FRMD5: variants seen among roughly 807,000 people sequenced by gnomAD.
FRMD5 encodes FERM domain containing 5, also known as FERM domain-containing protein 5.
A neutral mutation model predicts 69.0 loss-of-function variants in FRMD5; 20 were observed. The ratio of observed to expected loss-of-function variants is 0.29; its 90% CI spans 0.20 to 0.42. The LOEUF is 0.42. FRMD5 is among the 10% of genes least tolerant of loss of function. The pLI, the probability that FRMD5 is intolerant of heterozygous loss-of-function variation, is 1.00. For missense variants in FRMD5, 595 were observed against 708.6 expected (o/e 0.84, Z 1.82); for synonymous variants, 271 against 260.1 (o/e 1.04, Z -0.40).
At chr15:44,125,984 A>G (rs1016548034) in intron 1 of FRMD5, among the ~76,000 whole-genome samples, 2 of 152,244 alleles carry the variant, frequency 1.3e-5, no homozygotes, top group South Asian at 2.1e-4. Flanking sequence ...GGTAAATTCT[A>G]TAAATTACCT....
At chr15:44,015,378 G>A (rs1890910157) in intron 1 of FRMD5, among the ~76,000 whole-genome samples, 1 of 152,096 alleles carries the variant, frequency 6.6e-6, no homozygotes, top group African/African-American at 2.4e-5. Flanking sequence ...CTGGTCTCAA[G>A]TAACTCTTCT....
intron 1 of FRMD5, chr15:44,194,515 C>A: frequency 3.7e-6 from 1 of 272,524 alleles, no homozygotes; most frequent in Non-Finnish European, 7.1e-6. Flanking sequence ...ATCCTTCCAA[C>A]CCAAGAAAGA....
chr15:44,010,231 C>G (rs969553739), intron 1 of FRMD5, among the ~76,000 whole-genome samples: 22 of 152,158 alleles, frequency 1.4e-4, no homozygotes, highest in Non-Finnish European at 2.9e-4. Context: ...AAGAGGAAAG[C>G]AAGTTGCCTT....
chr15:44,041,408 C>T (rs922424372), intron 1 of FRMD5, among the ~76,000 whole-genome samples: 54 of 152,102 alleles, frequency 3.6e-4, no homozygotes, highest in Admixed American at 1.2e-3. Context: ...CACCACATTG[C>T]GCTTATTCTA....
rs181377726 is a variant in FRMD5, at chr15:43,979,023, G to A, written c.103-54714C>T. On this transcript the variant is annotated intron_variant, in intron 1 of 13. Coordinates refer to ENST00000417257, the MANE Select transcript of FRMD5 (RefSeq NM_032892.5). ...TGAGGACAACACTATTTTTGGCAATGTAGAAAATGCTTATAGAAAGGGTTC... is the reference window on the plus strand; with the variant it reads ...TGAGGACAACACTATTTTTGGCAATATAGAAAATGCTTATAGAAAGGGTTC... Among the ~76,000 whole-genome samples the A allele has an allele frequency of 2.6e-5, 4 of 152,200 alleles. No homozygotes were observed. In the East Asian group the frequency reaches 7.7e-4, roughly 29 times the overall value.
chr15:43,989,956 A>G, intron 1 of FRMD5: 1 of 1,117,146 alleles, frequency 9.0e-7, no homozygotes, highest in Non-Finnish European at 1.4e-6. Context: ...CCAGGTGGTG[A>G]CAATGTCCTG....
intron 1 of FRMD5, among the ~76,000 whole-genome samples, chr15:43,945,149 A>T (rs2089925193): frequency 6.6e-6 from 1 of 152,144 alleles, no homozygotes; most frequent in South Asian, 2.1e-4. Flanking sequence ...CCATTAAAAA[A>T]TGGGAAACTT....
chr15:44,087,886 A>T (rs528394553), intron 1 of FRMD5, among the ~76,000 whole-genome samples: 1 of 152,072 alleles, frequency 6.6e-6, no homozygotes, highest in Admixed American at 6.6e-5. Context: ...ATAAAATCAA[A>T]ATTGAAAGCC....
chr15:43,963,437 G>T (rs1204917256), intron 1 of FRMD5, among the ~76,000 whole-genome samples: 2 of 152,132 alleles, frequency 1.3e-5, no homozygotes, highest in Non-Finnish European at 2.9e-5. Flanking sequence ...GGAGAAATAG[G>T]AACACTTTTA....
intron 1 of FRMD5, among the ~76,000 whole-genome samples, chr15:44,164,949 G>A (rs1271313280): frequency 6.6e-6 from 1 of 152,186 alleles, no homozygotes. Context: ...ATACATGTTC[G>A]GAGGTGGAGG....
chr15:44,117,602 CTT>C (rs2076887776), intron 1 of FRMD5, among the ~76,000 whole-genome samples: 1 of 152,190 alleles, frequency 6.6e-6, no homozygotes, highest in South Asian at 2.1e-4. Context: ...ATTTAACAAT[CTT>C]TGAGAAAAGC....
Position 43,873,651 on chromosome 15 carries a change from G to T in FRMD5, c.*234C>A. The T allele has an allele frequency of 6.7e-7, 1 of 1,492,028 alleles. No individual in the cohort carries two copies. Among genetic ancestry groups the T allele is most frequent in the Non-Finnish European group, 8.8e-7 (1 of 1,130,230 alleles). 92.4% of individuals were successfully genotyped at this position (1,492,028 alleles called of 1,614,324 possible). On this transcript the variant is annotated 3_prime_UTR_variant, in exon 14 of 14. Transcript: ENST00000417257. ...GAAAGATGAGAAACAGAGTCGCTGA[G>T]CCTTTCTTGAAATAACTTCTGAAGA...
chr15:43,877,274 C>G (rs984521452), intron 13 of FRMD5, among the ~76,000 whole-genome samples: 2 of 152,176 alleles, frequency 1.3e-5, no homozygotes, highest in African/African-American at 4.8e-5. Context: ...AAAGGTTTTA[C>G]CTAAGTCAGG....
intron 1 of FRMD5, among the ~76,000 whole-genome samples, chr15:44,192,818 T>C (rs765869733): frequency 1.3e-5 from 2 of 152,192 alleles, no homozygotes; most frequent in African/African-American, 2.4e-5. Flanking sequence ...TTAGATTCCA[T>C]GCAAAAATCA....
chr15:44,004,352 A>ATGTTTT (rs145386298), intron 1 of FRMD5, among the ~76,000 whole-genome samples: 7 of 152,052 alleles, frequency 4.6e-5, no homozygotes, highest in East Asian at 3.9e-4. Context: ...CACAGATACT[A>ATGTTTT]TGTTTTTGTT....
intron 8 of FRMD5, among the ~76,000 whole-genome samples, chr15:43,891,614 C>T (rs2088794648): frequency 6.6e-6 from 1 of 152,176 alleles, no homozygotes; most frequent in Admixed American, 6.5e-5. Context: ...AGAGATGCTC[C>T]AGAACAGCCG....
intron 1 of FRMD5, among the ~76,000 whole-genome samples, chr15:43,986,447 G>A (rs1193645785): frequency 6.6e-6 from 1 of 152,214 alleles, no homozygotes; most frequent in Non-Finnish European, 1.5e-5. Flanking sequence ...GAGGAACTTA[G>A]TGAAGGCAAA....
At position 43,999,923 on chromosome 15, in the gene FRMD5, G is replaced by GTATA. The variant is rs57166959; in HGVS notation, c.103-75618_103-75615dup. Reference sequence around the variant, plus strand: ...CCATTTTATATTTGTGTGTGTGTATGTATATATATATATATATATATATGC... The same window carrying GTATA: ...CCATTTTATATTTGTGTGTGTGTATGTATATATATATATATATATATATATATGC... On this transcript the variant is annotated intron_variant, in intron 1 of 13. Coordinates refer to ENST00000417257, the MANE Select transcript of FRMD5 (RefSeq NM_032892.5). Among the ~76,000 whole-genome samples the GTATA allele has an allele frequency of 5.2e-3, 301 of 58,258 alleles. 12 individuals are homozygous for GTATA. Among genetic ancestry groups the GTATA allele is most frequent in the African/African-American group, 0.021 (267 of 12,914 alleles). The allele number at this position is 58,258 out of a possible 152,430, so 38.2% of individuals were successfully genotyped here.
At chr15:43,983,995 G>A (rs1287289401) in intron 1 of FRMD5, among the ~76,000 whole-genome samples, 1 of 152,192 alleles carries the variant, frequency 6.6e-6, no homozygotes, top group Non-Finnish European at 1.5e-5. Context: ...TTCAAACACT[G>A]CTGTTGCCTG....
Sources: allele counts gnomAD v4.1 joint callset (sites outside exome capture counted in the v4.1 genomes callset), GRCh38; gene constraint gnomAD v4.1.1; transcripts MANE v1.5; gene names NCBI Gene and HGNC (gene_info 2026-07-23, HGNC 2026-07-21).